Variants in PRKG1 observed in about 807,000 individuals in gnomAD.
The protein encoded by PRKG1 is cGMP-dependent protein kinase 1.
A neutral mutation model predicts 88.1 loss-of-function variants in PRKG1; 35 were observed. The ratio of observed to expected loss-of-function variants is 0.40; its 90% CI spans 0.30 to 0.53. The LOEUF (loss-of-function observed/expected upper bound fraction) is 0.53, where lower values mean the gene tolerates loss of function less well. PRKG1 is among the 20% of genes least tolerant of loss of function. The probability of loss-of-function intolerance (pLI) is 0.59; values close to 1 mark genes in which losing one functional copy is unlikely to be tolerated. For missense variants in PRKG1, 540 were observed against 839.8 expected (o/e 0.64, Z 4.41); for synonymous variants, 303 against 292.5 (o/e 1.04, Z -0.37).
At chr10:51,052,096 AAAAAT>A (rs1425958041) in intron 1 of PRKG1, among the ~76,000 whole-genome samples, 1 of 152,214 alleles carries the variant, frequency 6.6e-6, no homozygotes, top group African/African-American at 2.4e-5. Context: ...ATAGTACAAT[AAAAAT>A]AAAAGACAAT....
At chr10:51,410,361 G>A (rs1159302456) in intron 2 of PRKG1, among the ~76,000 whole-genome samples, 25 of 151,632 alleles carry the variant, frequency 1.6e-4, no homozygotes, top group Admixed American at 1.4e-3. Flanking sequence ...ACAAGCTGAG[G>A]AGCAAGGAGA....
At chr10:51,157,636 C>T (rs1323282714) in intron 2 of PRKG1, among the ~76,000 whole-genome samples, 2 of 151,472 alleles carry the variant, frequency 1.3e-5, no homozygotes, top group African/African-American at 4.8e-5. Context: ...CTAATTTATA[C>T]CTATTATAAT....
chr10:51,204,575 G>A (rs1020495183), intron 2 of PRKG1, among the ~76,000 whole-genome samples: 24 of 152,032 alleles, frequency 1.6e-4, no homozygotes, highest in South Asian at 6.2e-4. Context: ...CCCTGCTGCC[G>A]GTAGACTAGA....
At chr10:52,165,733 C>T (rs114065068) in intron 9 of PRKG1, among the ~76,000 whole-genome samples, 1,597 of 151,620 alleles carry the variant, frequency 0.011, 32 homozygotes, top group African/African-American at 0.036. Context: ...GGGTAAGAAG[C>T]GAAAAAAAGT....
intron 3 of PRKG1, among the ~76,000 whole-genome samples, chr10:51,678,440 A>G (rs553216614): frequency 2.0e-5 from 3 of 152,320 alleles, no homozygotes; most frequent in South Asian, 4.1e-4. Context: ...AGCATACACC[A>G]CCACCCTAGA....
chr10:51,099,654 A>C (rs565108990), intron 1 of PRKG1, among the ~76,000 whole-genome samples: 22 of 152,282 alleles, frequency 1.4e-4, no homozygotes, highest in African/African-American at 2.6e-4. Context: ...TGTGGAATAA[A>C]GTTAATGAGG....
At chr10:51,469,880 G>A (rs568005345) in intron 3 of PRKG1, among the ~76,000 whole-genome samples, 7 of 151,972 alleles carry the variant, frequency 4.6e-5, no homozygotes, top group African/African-American at 1.7e-4. Context: ...AGGTACAGAG[G>A]TTTTGTGCAT....
intron 3 of PRKG1, among the ~76,000 whole-genome samples, chr10:51,565,397 C>T (rs116427781): frequency 2.6e-3 from 398 of 152,040 alleles, no homozygotes; most frequent in Middle Eastern, 0.01. Flanking sequence ...TTCTCTTGCT[C>T]CACCAAGAGA....
chr10:51,829,450 T>C (rs1275370052), intron 4 of PRKG1, among the ~76,000 whole-genome samples: 1 of 152,284 alleles, frequency 6.6e-6, no homozygotes, highest in East Asian at 1.9e-4. Context: ...GCCTAACTCT[T>C]TTCTAGTTGC....
intron 2 of PRKG1, among the ~76,000 whole-genome samples, chr10:51,444,094 G>A (rs1012907843): frequency 4.0e-5 from 6 of 150,938 alleles, no homozygotes; most frequent in African/African-American, 1.5e-4. Flanking sequence ...GAGGAAAAAA[G>A]AGAGTACAGG....
chr10:51,104,793 A>C (rs1189158405), intron 1 of PRKG1, among the ~76,000 whole-genome samples: 1 of 151,378 alleles, frequency 6.6e-6, no homozygotes, highest in African/African-American at 2.4e-5. Context: ...GCAATGACAC[A>C]ATCTCGGCTT....
At chr10:51,275,476 C>T (rs960187866) in intron 2 of PRKG1, among the ~76,000 whole-genome samples, 12 of 152,092 alleles carry the variant, frequency 7.9e-5, no homozygotes, top group Admixed American at 2.6e-4. Context: ...TTCCTCATAG[C>T]GTGGTGAGTT....
intron 2 of PRKG1, among the ~76,000 whole-genome samples, chr10:51,366,043 A>G (rs557754476): frequency 4.9e-4 from 74 of 152,018 alleles, no homozygotes; most frequent in African/African-American, 1.8e-3. Context: ...AAGGGAAAAG[A>G]TAGTTTTATA....
At position 51,371,316 on chromosome 10, in the gene PRKG1, T is replaced by C. The variant is rs756560978; in HGVS notation, c.479-96407T>C. On this transcript the variant is annotated intron_variant, in intron 2 of 17. Transcript: ENST00000373980. ...ACTTGGGAGGTTGATCGGGGGAGGA[T>C]TGCTTGAGCCCAGGAGTTTGAGACC... is the stretch of plus-strand genomic sequence containing the variant. 1.6e-4 allele frequency among the ~76,000 whole-genome samples: 24 copies of C among 151,744 alleles called. No individual in the cohort carries two copies. In the East Asian group the frequency reaches 2.9e-3, roughly 18 times the overall value.
Position 52,244,857 on chromosome 10 carries a change from T to C in PRKG1, c.1077-6713T>C, listed in dbSNP as rs1039580199. 3.9e-4 allele frequency among the ~76,000 whole-genome samples: 43 copies of C among 109,786 alleles called. 2 individuals are homozygous for C. The highest frequency in any genetic ancestry group is 5.4e-3 in the Middle Eastern group (1 of 184). 72.0% of individuals were successfully genotyped at this position (109,786 alleles called of 152,430 possible). A position where few individuals can be genotyped will look rare whatever the true frequency, so the allele number is the denominator to read the frequency against. ...TTTAATATATATTTAAATATTTTTA[T>C]ATATTTAAATATTATAAAATATTTA... On this transcript the variant is annotated intron_variant, in intron 9 of 17. Transcript: ENST00000373980.
At chr10:51,807,806 G>C (rs1007503384) in intron 4 of PRKG1, among the ~76,000 whole-genome samples, 2 of 151,916 alleles carry the variant, frequency 1.3e-5, no homozygotes, top group Non-Finnish European at 2.9e-5. Context: ...GATGGCTTTC[G>C]GGGGGAAAAA....
At chr10:51,172,624 G>C (rs184593891) in intron 2 of PRKG1, among the ~76,000 whole-genome samples, 8,651 of 62,814 alleles carry the variant, frequency 0.14, 493 homozygotes, top group African/African-American at 0.3. Context: ...ATGTATGTAT[G>C]TATGTATGTA....
At chr10:51,214,915 A>G (rs1320545349) in intron 2 of PRKG1, among the ~76,000 whole-genome samples, 1 of 152,182 alleles carries the variant, frequency 6.6e-6, no homozygotes, top group Admixed American at 6.5e-5. Context: ...CACTCTTGAC[A>G]CATGTTTGCA....
At chr10:51,138,675 G>GTT (rs71459405) in intron 1 of PRKG1, among the ~76,000 whole-genome samples, 11,529 of 68,626 alleles carry the variant, frequency 0.17, 4,152 homozygotes, top group Non-Finnish European at 0.24. Flanking sequence ...ATTGAGTTTT[G>GTT]TTTTTTTTTT....
Sources: gnomAD v4.1 joint callset for allele counts (sites outside exome capture counted in the v4.1 genomes callset) on GRCh38, gnomAD v4.1.1 for gene constraint, MANE v1.5 for transcripts, NCBI Gene and HGNC (gene_info 2026-07-23, HGNC 2026-07-21) for gene names.